NR3C2: variants seen among roughly 807,000 people sequenced by gnomAD.
The protein encoded by NR3C2 is mineralocorticoid receptor.
A neutral mutation model predicts 86.4 loss-of-function variants in NR3C2; 15 were observed. The observed-to-expected ratio is 0.17, with a 90% CI of 0.12 to 0.27. NR3C2 has a LOEUF of 0.27. Among genes scored for constraint, NR3C2 ranks in the 10% least tolerant of loss-of-function variants. The pLI, the probability that NR3C2 is intolerant of heterozygous loss-of-function variation, is 1.00. For missense variants in NR3C2, 960 were observed against 1,195.6 expected (o/e 0.80, Z 2.91); for synonymous variants, 458 against 450.5 (o/e 1.02, Z -0.21).
At position 148,084,616 on chromosome 4, in the gene NR3C2, C is replaced by A. The variant is rs1217860560; in HGVS notation, c.2800-3117G>T. Among the ~76,000 whole-genome samples the A allele has an allele frequency of 2.6e-5, 4 of 152,112 alleles. No individual in the cohort carries two copies. In the East Asian group the frequency reaches 7.7e-4, roughly 29 times the overall value. On this transcript the variant is annotated intron_variant, in intron 8 of 8. Coordinates refer to ENST00000358102, the MANE Select transcript of NR3C2 (RefSeq NM_000901.5). The stretch of plus-strand genomic sequence containing the variant: ...TGAAGAAACTGCATCAACTAATGGG[C>A]AAAACAACCAGCTAGCATCATAATG...
rs540324054 is a variant in NR3C2 at position 148,407,638 on chromosome 4, C to T, written c.1757+27466G>A. Among the ~76,000 whole-genome samples the T allele has an allele frequency of 6.1e-4, 93 of 152,202 alleles. 1 individual carries two copies. The highest frequency in any genetic ancestry group is 2.1e-3 in the African/African-American group (88 of 41,544). On this transcript the variant is annotated intron_variant, in intron 2 of 8. Transcript: ENST00000358102. Reference sequence around the variant, plus strand: ...TTCTAGAATATCATTTGCAAGCATACGCACATAATGAATCTAAATGAATGT... The same window carrying T: ...TTCTAGAATATCATTTGCAAGCATATGCACATAATGAATCTAAATGAATGT...
chr4:148,168,395 T>C (rs1734977841), intron 4 of NR3C2, among the ~76,000 whole-genome samples: 1 of 152,178 alleles, frequency 6.6e-6, no homozygotes, highest in African/African-American at 2.4e-5. Context: ...AAACACCCAA[T>C]TTAATCTATT....
At chr4:148,349,581 G>A (rs956414067) in intron 2 of NR3C2, among the ~76,000 whole-genome samples, 3 of 151,630 alleles carry the variant, frequency 2.0e-5, no homozygotes, top group African/African-American at 4.9e-5. Context: ...CTGGACTGAC[G>A]ACTAAGCAAA....
intron 2 of NR3C2, among the ~76,000 whole-genome samples, chr4:148,426,814 G>A (rs1749557613): frequency 6.6e-6 from 1 of 152,088 alleles, no homozygotes; most frequent in Admixed American, 6.6e-5. Flanking sequence ...CTATGAAGAG[G>A]CCTCCCTGAC....
At chr4:148,403,200 A>T (rs966802015) in intron 2 of NR3C2, among the ~76,000 whole-genome samples, 1 of 152,094 alleles carries the variant, frequency 6.6e-6, no homozygotes, top group African/African-American at 2.4e-5. Flanking sequence ...ATTTCCCCTC[A>T]TATTACTATA....
At chr4:148,364,569 T>C (rs1358093993) in intron 2 of NR3C2, among the ~76,000 whole-genome samples, 1 of 152,226 alleles carries the variant, frequency 6.6e-6, no homozygotes, top group Non-Finnish European at 1.5e-5. Context: ...CTTAACAATA[T>C]GTGTTAGGTC....
At position 148,178,739 on chromosome 4, in the gene NR3C2, T is replaced by C. The variant is rs141622415; in HGVS notation, c.2014+16007A>G. 7.3e-5 allele frequency among the ~76,000 whole-genome samples: 11 copies of C among 151,626 alleles called. No individual in the cohort carries two copies. The East Asian group carries it at 2.1e-3, about 29-fold the overall frequency. ...CTCAGCCCAATCGGAAGCCCTGTTC[T>C]GGGTGGTGACTGACCAGTTAATCTG... On this transcript the variant is annotated intron_variant, in intron 4 of 8. Coordinates refer to ENST00000358102, the MANE Select transcript of NR3C2 (RefSeq NM_000901.5).
intron 6 of NR3C2, among the ~76,000 whole-genome samples, chr4:148,128,989 A>G (rs1732880718): frequency 6.6e-6 from 1 of 152,206 alleles, no homozygotes; most frequent in South Asian, 2.1e-4. Flanking sequence ...CTTGAACTTT[A>G]GGCCTGGAAA....
rs542181693 is a variant in NR3C2, at chr4:148,262,946, T to G, written c.1758-2829A>C. On this transcript the variant is annotated intron_variant, in intron 2 of 8. Coordinates refer to ENST00000358102, the MANE Select transcript of NR3C2 (RefSeq NM_000901.5). Reference sequence around the variant, plus strand: ...CTCCAAACACTCCTCCAGCACCATCTACTTCGAGCTGTCAACACCTCTTAC... The same window carrying G: ...CTCCAAACACTCCTCCAGCACCATCGACTTCGAGCTGTCAACACCTCTTAC... Among the ~76,000 whole-genome samples the G allele has an allele frequency of 4.8e-4, 73 of 152,320 alleles. 2 individuals are homozygous for G. The South Asian group carries it at 0.015, about 32-fold the overall frequency.
chr4:148,189,809 T>G (rs905209827), intron 4 of NR3C2, among the ~76,000 whole-genome samples: 4 of 152,178 alleles, frequency 2.6e-5, no homozygotes, highest in Non-Finnish European at 5.9e-5. Context: ...CTTCTAGGTT[T>G]TCTAGTTTAT....
chr4:148,301,079 A>C (rs1742316300), intron 2 of NR3C2, among the ~76,000 whole-genome samples: 1 of 152,182 alleles, frequency 6.6e-6, no homozygotes, highest in Non-Finnish European at 1.5e-5. Context: ...CCTAGAAACT[A>C]CATGCTTTCC....
intron 4 of NR3C2, among the ~76,000 whole-genome samples, chr4:148,163,469 G>A (rs985951960): frequency 6.6e-6 from 1 of 152,198 alleles, no homozygotes; most frequent in African/African-American, 2.4e-5. Context: ...TCAGAAATAC[G>A]TTTCCAAAAT....
At chr4:148,124,169 G>A (rs904624026) in intron 6 of NR3C2, among the ~76,000 whole-genome samples, 1 of 152,168 alleles carries the variant, frequency 6.6e-6, no homozygotes, top group African/African-American at 2.4e-5. Context: ...ACCAGGAGGT[G>A]GAGTAATAGT....
chr4:148,161,698 TTA>T (rs1053798418), intron 4 of NR3C2, among the ~76,000 whole-genome samples: 2 of 152,274 alleles, frequency 1.3e-5, no homozygotes, highest in South Asian at 2.1e-4. Flanking sequence ...GTTGCAATTG[TTA>T]TATGTTTATT....
intron 3 of NR3C2, among the ~76,000 whole-genome samples, chr4:148,203,038 C>T (rs905775886): frequency 2.0e-5 from 3 of 152,000 alleles, no homozygotes; most frequent in Admixed American, 6.6e-5. Context: ...GAAATGTTTT[C>T]TTTTTCATAT....
intron 2 of NR3C2, among the ~76,000 whole-genome samples, chr4:148,289,702 G>C (rs1741707445): frequency 6.6e-6 from 1 of 152,032 alleles, no homozygotes; most frequent in African/African-American, 2.4e-5. Context: ...TAATAGAACA[G>C]AGCAAAAGTT....
At chr4:148,423,825 C>T (rs1161700751) in intron 2 of NR3C2, among the ~76,000 whole-genome samples, 1 of 152,224 alleles carries the variant, frequency 6.6e-6, no homozygotes, top group Non-Finnish European at 1.5e-5. Context: ...TCCCCTGCCT[C>T]AGCCTCCCAA....
chr4:148,196,580 C>T, intron 3 of NR3C2, among the ~76,000 whole-genome samples: 1 of 152,106 alleles, frequency 6.6e-6, no homozygotes, highest in Non-Finnish European at 1.5e-5. Context: ...CCATCATGTT[C>T]CCTTGATTTA....
chr4:148,144,088 C>T (rs887692611), intron 6 of NR3C2, among the ~76,000 whole-genome samples: 1 of 152,078 alleles, frequency 6.6e-6, no homozygotes, highest in Non-Finnish European at 1.5e-5. Flanking sequence ...TCTGCGTGCT[C>T]AGTCTCGGAA....
Sources: gnomAD v4.1 joint callset for allele counts (sites outside exome capture counted in the v4.1 genomes callset) on GRCh38, gnomAD v4.1.1 for gene constraint, MANE v1.5 for transcripts, NCBI Gene and HGNC (gene_info 2026-07-23, HGNC 2026-07-21) for gene names.